The following SLC35F1 variants were observed in gnomAD, a reference collection of about 807,000 sequenced individuals.
The protein encoded by SLC35F1 is chromosome 6 open reading frame 169.
SLC35F1 carries 14 observed loss-of-function variants against 48.7 expected under a neutral mutation model. The ratio of observed to expected loss-of-function variants is 0.29; its 90% confidence interval spans 0.19 to 0.45. The LOEUF is 0.45. Among genes scored for constraint, SLC35F1 ranks in the 20% least tolerant of loss-of-function variants. SLC35F1 has a pLI of 1.00. For missense variants in SLC35F1, 404 were observed against 500.0 expected (o/e 0.81, Z 1.83); for synonymous variants, 190 against 202.2 (o/e 0.94, Z 0.51).
chr6:118,229,388 G>A (rs4945617), intron 2 of SLC35F1, among the ~76,000 whole-genome samples: 142,178 of 152,206 alleles, frequency 0.93, 66,467 homozygotes, highest in East Asian at 0.98. Flanking sequence ...AGAGCTGAGG[G>A]CTGGCAACTC....
intron 1 of SLC35F1, among the ~76,000 whole-genome samples, chr6:118,022,783 C>T (rs1227799192): frequency 7.3e-6 from 1 of 137,794 alleles, no homozygotes; most frequent in African/African-American, 2.7e-5. Context: ...GAGAGTCTGA[C>T]TCTGTCGCCC....
intron 1 of SLC35F1, among the ~76,000 whole-genome samples, chr6:117,923,670 T>TATTTAC (rs1554216692): frequency 3.7e-5 from 1 of 26,826 alleles, no homozygotes; most frequent in African/African-American, 2.2e-4. Flanking sequence ...TATATATACA[T>TATTTAC]ATATGTACAT....
chr6:117,923,710 C>CATATGTACATATGT (rs1562238868), intron 1 of SLC35F1, among the ~76,000 whole-genome samples: 2 of 22,562 alleles, frequency 8.9e-5, no homozygotes, highest in Non-Finnish European at 1.5e-4. Context: ...CATATATGTA[C>CATATGTACATATGT]ATATATACAT....
rs184038965 is a variant in SLC35F1 at position 118,283,594 on chromosome 6, G to A, written c.848-1590G>A. ...CACCTTCAAAAAACAAAAGAAAAAC[G>A]GAAACAAGGCTCTGGTGCCTAGATT... On this transcript the variant is annotated intron_variant, in intron 6 of 7. Coordinates refer to ENST00000360388, the MANE Select transcript of SLC35F1 (RefSeq NM_001029858.4). Among the ~76,000 whole-genome samples the A allele has an allele frequency of 1.9e-4, 29 of 152,242 alleles. No individual in the cohort carries two copies. The East Asian group carries it at 3.9e-3, about 20-fold the overall frequency.
intron 2 of SLC35F1, among the ~76,000 whole-genome samples, chr6:118,157,149 G>C (rs939601055): frequency 6.6e-6 from 1 of 152,154 alleles, no homozygotes; most frequent in Non-Finnish European, 1.5e-5. Context: ...CCAGGAAACT[G>C]CTTGAGGATA....
At chr6:118,275,357 C>G (rs1393673270) in intron 4 of SLC35F1, 102 bp from the exon 5 acceptor site, 2 of 1,247,826 alleles carry the variant, frequency 1.6e-6, no homozygotes, top group East Asian at 4.8e-5. Context: ...ATAAAAATGT[C>G]AAAATAGAAT....
intron 2 of SLC35F1, among the ~76,000 whole-genome samples, chr6:118,197,435 C>T (rs929764130): frequency 7.2e-5 from 11 of 152,112 alleles, no homozygotes; most frequent in Non-Finnish European, 1.6e-4. Context: ...TAAGGTTTTA[C>T]CTTAATATGA....
chr6:118,314,324 T>C lies in SLC35F1; in HGVS notation c.*72T>C. ...TTGCCCATCATCTCTGTATTGTACA[T>C]AGAGAAAGGTATTTACTAGGTGCAG... On this transcript the variant is annotated 3_prime_UTR_variant, in exon 8 of 8. Transcript: ENST00000360388. 3.7e-6 allele frequency: 5 copies of C among 1,336,354 alleles called. No individual in the cohort carries two copies. The highest frequency in any genetic ancestry group is 5.3e-6 in the Non-Finnish European group (5 of 942,212). 82.8% of individuals were successfully genotyped at this position (1,336,354 alleles called of 1,614,324 possible). A position where few individuals can be genotyped will look rare whatever the true frequency, so the allele number is the denominator to read the frequency against.
At chr6:118,296,881 A>G (rs772989589) in intron 7 of SLC35F1, among the ~76,000 whole-genome samples, 6 of 152,196 alleles carry the variant, frequency 3.9e-5, no homozygotes, top group Non-Finnish European at 5.9e-5. Flanking sequence ...AATCTTGCCC[A>G]TTCAGTCTCC....
intron 2 of SLC35F1, among the ~76,000 whole-genome samples, chr6:118,198,353 C>T (rs569881730): frequency 6.6e-6 from 1 of 152,228 alleles, no homozygotes; most frequent in South Asian, 2.1e-4. Flanking sequence ...ACAGAAGTAA[C>T]ATGACCATAA....
intron 2 of SLC35F1, among the ~76,000 whole-genome samples, chr6:118,195,231 CT>C (rs1358374089): frequency 1.3e-5 from 2 of 152,186 alleles, no homozygotes; most frequent in Admixed American, 1.3e-4. Context: ...GTGCTGCCGT[CT>C]ATTTCTTTGG....
intron 1 of SLC35F1, among the ~76,000 whole-genome samples, chr6:118,035,458 C>T (rs903187073): frequency 2.5e-5 from 3 of 121,202 alleles, no homozygotes; most frequent in East Asian, 2.9e-4. Flanking sequence ...AAAAAAAACC[C>T]AAAAAATTAG....
At chr6:118,288,139 C>T (rs1776073753) in intron 7 of SLC35F1, among the ~76,000 whole-genome samples, 1 of 151,952 alleles carries the variant, frequency 6.6e-6, no homozygotes, top group Non-Finnish European at 1.5e-5. Flanking sequence ...TTTCTATTGC[C>T]TTTTTAAAAA....
intron 1 of SLC35F1, among the ~76,000 whole-genome samples, chr6:118,050,654 CTG>C (rs1368581165): frequency 6.6e-6 from 1 of 152,022 alleles, no homozygotes; most frequent in South Asian, 2.1e-4. Flanking sequence ...GTCTGAGGAA[CTG>C]AAAGAAATTC....
chr6:118,117,035 T>C (rs750936334), intron 1 of SLC35F1, among the ~76,000 whole-genome samples: 1 of 152,180 alleles, frequency 6.6e-6, no homozygotes, highest in Non-Finnish European at 1.5e-5. Flanking sequence ...TTGAGAGGGT[T>C]TGACTTTGTA....
intron 1 of SLC35F1, among the ~76,000 whole-genome samples, chr6:117,967,201 G>T (rs776542538): frequency 4.6e-5 from 7 of 152,014 alleles, no homozygotes; most frequent in Admixed American, 2.0e-4. Flanking sequence ...ACAGAAAAAG[G>T]AGCTGAAAAG....
intron 1 of SLC35F1, among the ~76,000 whole-genome samples, chr6:117,931,909 T>C (rs1225396020): frequency 1.3e-5 from 2 of 152,248 alleles, no homozygotes; most frequent in Non-Finnish European, 2.9e-5. Flanking sequence ...AGTTGCCTAA[T>C]ACATTGCTGT....
chr6:118,137,545 G>A (rs1466903894), intron 1 of SLC35F1, among the ~76,000 whole-genome samples: 1 of 152,024 alleles, frequency 6.6e-6, no homozygotes, highest in Non-Finnish European at 1.5e-5. Context: ...TTATTCTAGG[G>A]CCATAGAGAT....
chr6:118,225,508 T>C (rs4259282), intron 2 of SLC35F1, among the ~76,000 whole-genome samples: 63,836 of 151,970 alleles, frequency 0.42, 15,351 homozygotes, highest in Non-Finnish European at 0.55. Context: ...GATTGAAGAC[T>C]TAAGTCTAAT....
Sources: allele counts gnomAD v4.1 joint callset (sites outside exome capture counted in the v4.1 genomes callset), GRCh38; gene constraint gnomAD v4.1.1; transcripts MANE v1.5; gene names NCBI Gene and HGNC (gene_info 2026-07-23, HGNC 2026-07-21).